Variants in THSD4 observed in about 807,000 individuals in gnomAD.
THSD4 encodes the protein thrombospondin type-1 domain-containing protein 4.
A neutral mutation model predicts 119.0 loss-of-function variants in THSD4; 69 were observed. The ratio of observed to expected loss-of-function variants is 0.58; its 90% CI spans 0.48 to 0.71. THSD4 has a LOEUF of 0.71. Ranked by LOEUF, THSD4 falls within the 30% of genes least tolerant of loss-of-function variation. The probability of loss-of-function intolerance (pLI) is 0.00; values close to 1 mark genes in which losing one functional copy is unlikely to be tolerated. For missense variants in THSD4, 1,393 were observed against 1,391.1 expected, an observed-to-expected ratio of 1.00 and a Z score of -0.02; for synonymous variants, 524 against 540.4, an observed-to-expected ratio of 0.97 and a Z score of 0.42.
intron 7 of THSD4, among the ~76,000 whole-genome samples, chr15:71,442,660 G>GTATGTATGTATGTATGTATATATATA (rs1555414328): frequency 3.9e-5 from 1 of 25,818 alleles, no homozygotes; most frequent in Non-Finnish European, 9.2e-5. Flanking sequence ...GTGTGTGTGT[G>GTATGTATGTATGTATGTATATATATA]TATATATATA....
chr15:71,208,323 T>C (rs907301406), intron 3 of THSD4, among the ~76,000 whole-genome samples: 4 of 152,104 alleles, frequency 2.6e-5, no homozygotes, highest in African/African-American at 9.7e-5. Context: ...ATAGAGCCGA[T>C]CTCAAAATGT....
chr15:71,660,690 C>T lies in THSD4; in HGVS notation c.1313C>T (p.Thr438Met), dbSNP rs749428270. The change falls in exon 8 of 18, where the codon ACG (threonine) becomes ATG (methionine). Residue 438 changes from threonine (T) to methionine (M), a missense_variant. Transcript: ENST00000261862. ...GTCGTGGAGATTCCCGAGGGAGCCA[C>T]GAAAATCAACATCACGGAGATGTAC... ...HRVVEIPEGA[T>M]KINITEMYKS... 13 of 1,613,982 alleles carry T rather than the reference C, an allele frequency of 8.1e-6. No individual in the cohort carries two copies. Among genetic ancestry groups the T allele is most frequent in the East Asian group, 2.2e-5 (1 of 44,874 alleles).
chr15:71,427,009 G>C (rs1268296251), intron 7 of THSD4, among the ~76,000 whole-genome samples: 1 of 152,092 alleles, frequency 6.6e-6, no homozygotes, highest in Non-Finnish European at 1.5e-5. Flanking sequence ...CACTTGATCT[G>C]TTCTTAGGAC....
At chr15:71,304,118 C>T (rs1269755122) in intron 6 of THSD4, among the ~76,000 whole-genome samples, 3 of 152,160 alleles carry the variant, frequency 2.0e-5, no homozygotes, top group African/African-American at 7.2e-5. Flanking sequence ...ACATCTCATC[C>T]CAGATACCAC....
upstream of THSD4, chr15:71,111,996 T>C: frequency 3.9e-6 from 4 of 1,024,876 alleles, no homozygotes; most frequent in South Asian, 6.7e-5. Context: ...GTGTTCCCCA[T>C]AAGTTTCCCC....
At chr15:71,689,321 G>C (rs1284787638) in intron 8 of THSD4, among the ~76,000 whole-genome samples, 1 of 152,150 alleles carries the variant, frequency 6.6e-6, no homozygotes, top group Non-Finnish European at 1.5e-5. Flanking sequence ...GCAGGGGAGA[G>C]AGTCCCAGAC....
At chr15:71,530,873 A>G (rs2048599464) in intron 7 of THSD4, among the ~76,000 whole-genome samples, 1 of 147,072 alleles carries the variant, frequency 6.8e-6, no homozygotes, top group African/African-American at 2.5e-5. Flanking sequence ...TACATGAGAA[A>G]TCTGTGCTGT....
intron 6 of THSD4, among the ~76,000 whole-genome samples, chr15:71,321,450 C>G (rs1345695838): frequency 3.3e-5 from 5 of 152,270 alleles, no homozygotes; most frequent in Non-Finnish European, 2.9e-5. Flanking sequence ...GCAGGAGAAT[C>G]GCTTGAACCT....
At chr15:71,680,591 G>A (rs1030664756) in intron 8 of THSD4, among the ~76,000 whole-genome samples, 1 of 152,142 alleles carries the variant, frequency 6.6e-6, no homozygotes, top group African/African-American at 2.4e-5. Context: ...GCATGGCTAG[G>A]ACTCACTTGG....
At chr15:71,274,699 C>T (rs79577145) in intron 6 of THSD4, among the ~76,000 whole-genome samples, 180 of 152,250 alleles carry the variant, frequency 1.2e-3, no homozygotes, top group African/African-American at 4.2e-3. Context: ...TGGTTATTAC[C>T]TACCTCTGTA....
intron 6 of THSD4, among the ~76,000 whole-genome samples, chr15:71,357,232 G>A (rs1011316693): frequency 6.6e-6 from 1 of 152,192 alleles, no homozygotes; most frequent in African/African-American, 2.4e-5. Flanking sequence ...AGATTTGGTG[G>A]CCACTGCATG....
chr15:71,286,532 A>G (rs1343572736), intron 6 of THSD4, among the ~76,000 whole-genome samples: 1 of 152,174 alleles, frequency 6.6e-6, no homozygotes. Flanking sequence ...TGTATGTACC[A>G]CATTTTCTTT....
chr15:71,515,382 G>A (rs1431319509), intron 7 of THSD4, among the ~76,000 whole-genome samples: 2 of 152,192 alleles, frequency 1.3e-5, no homozygotes, highest in African/African-American at 4.8e-5. Context: ...TGATGTTTGA[G>A]TGTAGTAGAA....
chr15:71,727,581 TATATATACACAC>T (rs2052881644), intron 8 of THSD4, among the ~76,000 whole-genome samples: 1 of 6,570 alleles, frequency 1.5e-4, no homozygotes, highest in Admixed American at 3.1e-3. Context: ...TATATATATA[TATATATACACAC>T]ACACACACAC....
intron 7 of THSD4, among the ~76,000 whole-genome samples, chr15:71,510,163 A>G (rs1199552833): frequency 2.0e-5 from 3 of 152,202 alleles, no homozygotes; most frequent in Admixed American, 1.3e-4. Flanking sequence ...TAGAACACCC[A>G]ATGCGCTTGC....
intron 7 of THSD4, among the ~76,000 whole-genome samples, chr15:71,532,231 A>T (rs376118106): frequency 5.4e-5 from 8 of 149,216 alleles, no homozygotes; most frequent in African/African-American, 1.7e-4. Context: ...TGCCAACACT[A>T]AACTCTTAGC....
rs188557085 is a variant in THSD4 at position 71,417,424 on chromosome 15, T to G, written c.1152+5601T>G. ...TTTGATTTTTGCATATGGTGAGAGA[T>G]AGGAGTTTAGTTTCATTCTTCTGCA... On this transcript the variant is annotated intron_variant, in intron 7 of 17. Transcript: ENST00000261862. Among the ~76,000 whole-genome samples, 2 of 108,434 alleles carry G rather than the reference T, an allele frequency of 1.8e-5. 1 individual carries two copies. Among genetic ancestry groups the G allele is most frequent in the African/African-American group, 6.3e-5 (2 of 31,964 alleles). 71.1% of individuals were successfully genotyped at this position (108,434 alleles called of 152,430 possible). A position where few individuals can be genotyped will look rare whatever the true frequency, so the allele number is the denominator to read the frequency against.
intron 6 of THSD4, among the ~76,000 whole-genome samples, chr15:71,312,968 G>A (rs924333984): frequency 5.3e-5 from 8 of 152,316 alleles, no homozygotes; most frequent in Admixed American, 2.0e-4. Flanking sequence ...TGCGAGAGCA[G>A]GGACTTCCTC....
chr15:71,335,850 A>T (rs2045483410), intron 6 of THSD4, among the ~76,000 whole-genome samples: 1 of 152,114 alleles, frequency 6.6e-6, no homozygotes, highest in African/African-American at 2.4e-5. Context: ...TGTGTAAAAT[A>T]AACCCACAAA....
Sources: gnomAD v4.1 joint callset for allele counts (sites outside exome capture counted in the v4.1 genomes callset) on GRCh38, gnomAD v4.1.1 for gene constraint, MANE v1.5 for transcripts, NCBI Gene and HGNC (gene_info 2026-07-23, HGNC 2026-07-21) for gene names.